AP1AR: variants seen among roughly 807,000 people sequenced by gnomAD.
AP1AR encodes the protein AP-1 complex-associated regulatory protein.
AP1AR carries 29 observed loss-of-function variants against 46.3 expected under a neutral mutation model. The ratio of observed to expected loss-of-function variants is 0.63; its 90% confidence interval spans 0.47 to 0.85. AP1AR has a LOEUF of 0.85. Ranked by LOEUF, AP1AR falls within the 40% of genes least tolerant of loss-of-function variation. The pLI is 0.00. For synonymous variants in AP1AR, 122 were observed against 122.9 expected (o/e 0.99, Z 0.05); for missense variants, 357 against 356.3 (o/e 1.00, Z -0.02).
Position 112,271,975 on chromosome 4 carries a change from A to G in AP1AR, c.*3566A>G, listed in dbSNP as rs1030385808. 4.6e-5 allele frequency among the ~76,000 whole-genome samples: 7 copies of G among 152,332 alleles called. No individual in the cohort carries two copies. In the South Asian group the frequency reaches 1.0e-3, roughly 23 times the overall value. On this transcript the variant is annotated 3_prime_UTR_variant, in exon 10 of 10. Transcript: ENST00000274000. ...CAGATACAGGAGGAATGCAGGAACC[A>G]GAGAATAGTGTCACAGGAGCCAGGA...
intron 1 of AP1AR, among the ~76,000 whole-genome samples, chr4:112,250,723 G>A (rs1163032402): frequency 6.6e-6 from 1 of 152,116 alleles, no homozygotes; most frequent in Non-Finnish European, 1.5e-5. Flanking sequence ...AGCTTTTATT[G>A]TGGTAGGAGT....
intron 1 of AP1AR, among the ~76,000 whole-genome samples, chr4:112,250,268 G>A (rs1033121634): frequency 1.3e-5 from 2 of 152,200 alleles, no homozygotes; most frequent in African/African-American, 4.8e-5. Flanking sequence ...TGTAAAAGGT[G>A]TATTCCAAAT....
intron 1 of AP1AR, among the ~76,000 whole-genome samples, chr4:112,252,277 T>C (rs1725992697): frequency 6.6e-6 from 1 of 152,202 alleles, no homozygotes; most frequent in African/African-American, 2.4e-5. Flanking sequence ...TGACCTGTCC[T>C]AACCCCAGGA....
intron 1 of AP1AR, among the ~76,000 whole-genome samples, chr4:112,240,839 G>A (rs926620152): frequency 5.3e-5 from 8 of 152,070 alleles, no homozygotes; most frequent in African/African-American, 1.2e-4. Flanking sequence ...ATAGCTATGC[G>A]TGTTACTGTA....
At chr4:112,240,267 G>A (rs998604274) in intron 1 of AP1AR, among the ~76,000 whole-genome samples, 1 of 151,748 alleles carries the variant, frequency 6.6e-6, no homozygotes, top group East Asian at 1.9e-4. Context: ...TTTTTACTTA[G>A]ATGACTCCTA....
intron 1 of AP1AR, among the ~76,000 whole-genome samples, chr4:112,236,523 C>T (rs538171405): frequency 6.6e-6 from 1 of 152,012 alleles, no homozygotes; most frequent in East Asian, 1.9e-4. Context: ...GCCTCAGCTC[C>T]GCAAGTAGCT....
intron 1 of AP1AR, among the ~76,000 whole-genome samples, chr4:112,240,733 C>T (rs1237621409): frequency 1.3e-5 from 2 of 152,144 alleles, no homozygotes; most frequent in Non-Finnish European, 2.9e-5. Flanking sequence ...CTGAACATAT[C>T]CCCTCTCACA....
At position 112,268,411 on chromosome 4, in the gene AP1AR, G is replaced by A. The variant is rs989618638; in HGVS notation, c.*2G>A. 6.4e-7 allele frequency: 1 copy of A among 1,571,956 alleles called. No individual in the cohort carries two copies. The highest frequency in any genetic ancestry group is 1.2e-5 in the South Asian group (1 of 84,048). On this transcript the variant is annotated 3_prime_UTR_variant, in exon 10 of 10. Transcript: ENST00000274000. ...GACACAGATCAACAGACTCGATAGG[G>A]TAAAATTGTGTGACCTTGTTTATCA... is the stretch of plus-strand genomic sequence containing the variant.
chr4:112,231,868 C>T lies in AP1AR; in HGVS notation c.-224C>T, dbSNP rs1725013829. 2.5e-6 allele frequency: 1 copy of T among 397,042 alleles called. No individual in the cohort carries two copies. Among genetic ancestry groups the T allele is most frequent in the Non-Finnish European group, 4.4e-6 (1 of 225,212 alleles). The allele number at this position is 397,042 out of a possible 1,614,324, so 24.6% of individuals were successfully genotyped here. A position where few individuals can be genotyped will look rare whatever the true frequency, so the allele number is the denominator to read the frequency against. Reference sequence around the variant, plus strand: ...CAGAGCCTTGAGCCCGGTGCTCCTCCCTCGCGCAGCGGTGGCTCTGCGGCC... The same window carrying T: ...CAGAGCCTTGAGCCCGGTGCTCCTCTCTCGCGCAGCGGTGGCTCTGCGGCC... On this transcript the variant is annotated 5_prime_UTR_variant, in exon 1 of 10. Coordinates refer to ENST00000274000, the MANE Select transcript of AP1AR (RefSeq NM_018569.6).
intron 9 of AP1AR, 140 bp from the exon 10 acceptor site, chr4:112,268,004 C>T (rs1394436817): frequency 2.6e-6 from 2 of 754,724 alleles, no homozygotes; most frequent in Non-Finnish European, 3.8e-6. Flanking sequence ...TTAAGAAGGC[C>T]TCCATGGGAC....
chr4:112,239,346 A>G lies in AP1AR; in HGVS notation c.83+7172A>G, dbSNP rs1300558020. Among the ~76,000 whole-genome samples the G allele has an allele frequency of 2.0e-5, 3 of 152,070 alleles. No individual in the cohort carries two copies. In the East Asian group the frequency reaches 5.8e-4, roughly 29 times the overall value. The stretch of plus-strand genomic sequence containing the variant: ...TGCCTAGTCTTGATGTCTTCTTGAG[A>G]AGTGTTTCCTCACTTCTCACTCAGT... On this transcript the variant is annotated intron_variant, in intron 1 of 9. Coordinates refer to ENST00000274000, the MANE Select transcript of AP1AR (RefSeq NM_018569.6).
At chr4:112,253,312 CT>C in intron 2 of AP1AR, 56 bp downstream of exon 2, 1 of 1,341,662 alleles carries the variant, frequency 7.5e-7, no homozygotes, top group Non-Finnish European at 1.1e-6. Flanking sequence ...GCGGAAGGGG[CT>C]TTTTGTTGTA....
intron 1 of AP1AR, among the ~76,000 whole-genome samples, chr4:112,245,993 G>A (rs961457744): frequency 6.6e-6 from 1 of 151,954 alleles, no homozygotes; most frequent in Admixed American, 6.6e-5. Context: ...AGAAATGTAC[G>A]TTAATAGTTG....
intron 1 of AP1AR, among the ~76,000 whole-genome samples, chr4:112,243,288 T>G (rs1158781283): frequency 6.6e-6 from 1 of 152,220 alleles, no homozygotes; most frequent in African/African-American, 2.4e-5. Flanking sequence ...CCGCATTTAT[T>G]TTTCTCTTGT....
intron 1 of AP1AR, among the ~76,000 whole-genome samples, chr4:112,235,903 T>G (rs1279856719): frequency 6.6e-6 from 1 of 152,146 alleles, no homozygotes; most frequent in Non-Finnish European, 1.5e-5. Context: ...GCGCTTGACT[T>G]CCACAATATC....
intron 9 of AP1AR, among the ~76,000 whole-genome samples, chr4:112,267,823 G>T (rs888231408): frequency 4.0e-5 from 6 of 151,894 alleles, no homozygotes; most frequent in African/African-American, 1.4e-4. Context: ...ATACTAACTT[G>T]GCTATATGAG....
chr4:112,268,694 G>T lies in AP1AR; in HGVS notation c.*285G>T. 1 of 252,668 alleles carries T rather than the reference G, an allele frequency of 4.0e-6. No individual in the cohort carries two copies. Among genetic ancestry groups the T allele is most frequent in the Non-Finnish European group, 7.4e-6 (1 of 134,600 alleles). The allele number at this position is 252,668 out of a possible 1,614,324, so 15.7% of individuals were successfully genotyped here. A position where few individuals can be genotyped will look rare whatever the true frequency, so the allele number is the denominator to read the frequency against. On this transcript the variant is annotated 3_prime_UTR_variant, in exon 10 of 10. Coordinates refer to ENST00000274000, the MANE Select transcript of AP1AR (RefSeq NM_018569.6). ...TCTTTATAGCATTTCTGTTTACTAT[G>T]GTAGATTTCCACTTTCAATTTTTAA... is the stretch of plus-strand genomic sequence containing the variant.
Position 112,265,753 on chromosome 4 carries a change from T to C in AP1AR, c.460T>C (p.Phe154Leu). Residue 154 changes from phenylalanine to leucine, a missense_variant, in exon 8 of 10, where the codon TTC (phenylalanine) becomes CTC (leucine). Transcript: ENST00000274000. ...EYQSSGPEDD[F>L]ESCLRNMKSQ... ...TTACAGTTCAGGACCAGAAGATGACTTCGAATCTTGTTTGAGAAATATGAA... is the reference window on the plus strand; with the variant it reads ...TTACAGTTCAGGACCAGAAGATGACCTCGAATCTTGTTTGAGAAATATGAA... The C allele has an allele frequency of 6.2e-7, 1 of 1,609,728 alleles. No homozygotes were observed. Among genetic ancestry groups the C allele is most frequent in the African/African-American group, 1.3e-5 (1 of 74,840 alleles).
chr4:112,254,713 A>G, intron 2 of AP1AR, 34 bp from the exon 3 acceptor site: 3 of 1,436,718 alleles, frequency 2.1e-6, no homozygotes, highest in Non-Finnish European at 2.8e-6. Context: ...TAAGACAAAT[A>G]TTCCTCTTAA....
Sources: gnomAD v4.1 joint callset for allele counts (sites outside exome capture counted in the v4.1 genomes callset) on GRCh38, gnomAD v4.1.1 for gene constraint, MANE v1.5 for transcripts, NCBI Gene and HGNC (gene_info 2026-07-23, HGNC 2026-07-21) for gene names.